Variants in MIPOL1 observed in about 807,000 individuals in gnomAD.
The protein encoded by MIPOL1 is mirror-image polydactyly gene 1 protein.
In MIPOL1, 57 loss-of-function variants were observed where a neutral mutation model predicts 60.9. The observed-to-expected ratio is 0.94, with a 90% CI of 0.76 to 1.17. MIPOL1 has a LOEUF of 1.17. MIPOL1 is among the 50% of genes most tolerant of loss of function. MIPOL1 has a pLI of 0.00. For missense variants in MIPOL1, 551 were observed against 511.6 expected (o/e 1.08, Z -0.74); for synonymous variants, 179 against 168.8 (o/e 1.06, Z -0.47).
chr14:37,312,438 G>GAC (rs2087432741), intron 9 of MIPOL1, among the ~76,000 whole-genome samples: 2 of 152,176 alleles, frequency 1.3e-5, no homozygotes, highest in Admixed American at 6.6e-5. Flanking sequence ...TTTAGCATCA[G>GAC]ACATTTTCTA....
chr14:37,299,078 A>G (rs944044456), intron 7 of MIPOL1, among the ~76,000 whole-genome samples: 4 of 152,170 alleles, frequency 2.6e-5, no homozygotes, highest in African/African-American at 9.7e-5. Context: ...ACTGGTTAAG[A>G]AAATGTGGCA....
At chr14:37,441,811 G>A (rs1264515825) in intron 11 of MIPOL1, among the ~76,000 whole-genome samples, 1 of 152,010 alleles carries the variant, frequency 6.6e-6, no homozygotes, top group African/African-American at 2.4e-5. Context: ...AAATGACGTT[G>A]GTGTTTTCAT....
At chr14:37,223,299 C>A (rs1261962693) in intron 1 of MIPOL1, among the ~76,000 whole-genome samples, 1 of 152,064 alleles carries the variant, frequency 6.6e-6, no homozygotes, top group Non-Finnish European at 1.5e-5. Flanking sequence ...TCCCAAAGTA[C>A]TGGGATTACA....
intron 1 of MIPOL1, among the ~76,000 whole-genome samples, chr14:37,206,113 C>T (rs1966047510): frequency 6.6e-6 from 1 of 152,116 alleles, no homozygotes; most frequent in African/African-American, 2.4e-5. Flanking sequence ...GGGAAAATGT[C>T]CCCAGGGTAT....
At chr14:37,282,088 CAGGACCAA>C (rs1445340029) in intron 6 of MIPOL1, among the ~76,000 whole-genome samples, 1 of 151,922 alleles carries the variant, frequency 6.6e-6, no homozygotes, top group Non-Finnish European at 1.5e-5. Context: ...CTTGATCACA[CAGGACCAA>C]AGAAGCCCTC....
In MIPOL1 at chr14:37,361,610, C is replaced by CT. The variant is rs71127213; in HGVS notation, c.829-7880dup. ...GCCTTTTTTGTTTCTCCCTCTCTCT[C>CT]TTTTTTTTTTTTTTTTTTTTTTTTT... On this transcript the variant is annotated intron_variant, in intron 9 of 12. Transcript: ENST00000684589. Among the ~76,000 whole-genome samples the CT allele has an allele frequency of 4.7e-4, 39 of 82,542 alleles. 1 individual carries two copies. Among genetic ancestry groups the CT allele is most frequent in the African/African-American group, 1.8e-3 (38 of 21,694 alleles). 54.2% of individuals were successfully genotyped at this position (82,542 alleles called of 152,430 possible).
intron 12 of MIPOL1, chr14:37,503,236 A>G (rs892402052): frequency 6.6e-6 from 1 of 152,188 alleles, no homozygotes; most frequent in African/African-American, 2.4e-5. Flanking sequence ...AAGGCAGGCC[A>G]ACATTCAAAT....
At chr14:37,215,490 A>C (rs1286549040) in intron 1 of MIPOL1, among the ~76,000 whole-genome samples, 1 of 152,166 alleles carries the variant, frequency 6.6e-6, no homozygotes, top group East Asian at 1.9e-4. Context: ...AAATGGATAC[A>C]CAAAAAAATA....
chr14:37,266,857 A>G, intron 3 of MIPOL1, 81 bp from the exon 4 acceptor site: 1 of 983,362 alleles, frequency 1.0e-6, no homozygotes, highest in Non-Finnish European at 1.5e-6. Context: ...AGTGTTTCCA[A>G]AAATATTTAT....
At chr14:37,238,800 A>C (rs1469566143) in intron 1 of MIPOL1, among the ~76,000 whole-genome samples, 1 of 151,230 alleles carries the variant, frequency 6.6e-6, no homozygotes, top group East Asian at 2.0e-4. Flanking sequence ...AAAAAAAAAA[A>C]AAAATTAGAT....
chr14:37,463,840 A>C (rs528871111), intron 11 of MIPOL1, among the ~76,000 whole-genome samples: 2 of 152,334 alleles, frequency 1.3e-5, no homozygotes, highest in African/African-American at 4.8e-5. Flanking sequence ...AAGAGAGGAG[A>C]TATTTGCTGT....
At chr14:37,343,036 A>T (rs1001543153) in intron 9 of MIPOL1, among the ~76,000 whole-genome samples, 5 of 150,390 alleles carry the variant, frequency 3.3e-5, no homozygotes, top group African/African-American at 1.2e-4. Flanking sequence ...ATGTCATTGC[A>T]TGGCATATAT....
In MIPOL1 at chr14:37,295,754, C is replaced by T. The variant is rs187733018; in HGVS notation, c.623+10307C>T. 5.7e-4 allele frequency among the ~76,000 whole-genome samples: 87 copies of T among 152,304 alleles called. 1 individual carries two copies. The highest frequency in any genetic ancestry group is 2.6e-3 in the Admixed American group (40 of 15,304). On this transcript the variant is annotated intron_variant, in intron 7 of 12. Transcript: ENST00000684589. ...GGATCAGTTCAACAAGAAGAACTAACTATCCTAAATATATATGTACCCAAT... is the reference window on the plus strand; with the variant it reads ...GGATCAGTTCAACAAGAAGAACTAATTATCCTAAATATATATGTACCCAAT...
intron 11 of MIPOL1, among the ~76,000 whole-genome samples, chr14:37,486,678 G>A (rs1449260886): frequency 3.3e-5 from 5 of 152,134 alleles, no homozygotes; most frequent in Non-Finnish European, 7.4e-5. Flanking sequence ...CATTGATTTT[G>A]TATCCTGAGA....
intron 10 of MIPOL1, among the ~76,000 whole-genome samples, chr14:37,388,184 G>A (rs571742474): frequency 1.3e-5 from 2 of 151,560 alleles, no homozygotes; most frequent in Admixed American, 6.6e-5. Flanking sequence ...GGTAATCAGC[G>A]TTGTTGAAGA....
intron 9 of MIPOL1, 67 bp from the exon 10 acceptor site, chr14:37,369,449 AT>A: frequency 9.0e-7 from 1 of 1,110,734 alleles, no homozygotes; most frequent in Non-Finnish European, 1.3e-6. Context: ...ATTTACATTA[AT>A]TCATGTGGCT....
intron 11 of MIPOL1, among the ~76,000 whole-genome samples, chr14:37,431,928 A>G (rs1450536155): frequency 2.0e-5 from 3 of 151,770 alleles, no homozygotes; most frequent in Non-Finnish European, 4.4e-5. Context: ...TTTGCTTCCC[A>G]GTTTCATTCA....
At chr14:37,495,454 A>G (rs1189633143) in intron 11 of MIPOL1, among the ~76,000 whole-genome samples, 2 of 150,768 alleles carry the variant, frequency 1.3e-5, no homozygotes, top group African/African-American at 4.9e-5. Flanking sequence ...TACAAAGGAC[A>G]TGAACTCATC....
chr14:37,490,393 G>T (rs770314018), intron 11 of MIPOL1, among the ~76,000 whole-genome samples: 2 of 152,148 alleles, frequency 1.3e-5, no homozygotes, highest in Admixed American at 6.6e-5. Flanking sequence ...TGGGCTCCGT[G>T]GGGGTGTGAC....
Sources: allele counts gnomAD v4.1 joint callset (sites outside exome capture counted in the v4.1 genomes callset), GRCh38; gene constraint gnomAD v4.1.1; transcripts MANE v1.5; gene names NCBI Gene and HGNC (gene_info 2026-07-23, HGNC 2026-07-21).